TENM3: variants seen among roughly 807,000 people sequenced by gnomAD.
The protein encoded by TENM3 is teneurin transmembrane protein 3.
Under a neutral mutation model 255.1 loss-of-function variants are expected in TENM3, and 63 were observed. The ratio of observed to expected loss-of-function variants is 0.25; its 90% CI spans 0.20 to 0.30. TENM3 has a LOEUF of 0.30. TENM3 is among the 10% of genes least tolerant of loss of function. The pLI, the probability that TENM3 is intolerant of heterozygous loss-of-function variation, is 1.00. For missense variants in TENM3, 2,929 were observed against 3,461.1 expected (o/e 0.85, Z 3.86); for synonymous variants, 1,306 against 1,322.3 (o/e 0.99, Z 0.27).
At chr4:181,916,471 T>C in the TENM3 span, among the ~76,000 whole-genome samples, 1 of 152,144 alleles carries the variant, frequency 6.6e-6, no homozygotes, top group Non-Finnish European at 1.5e-5. Flanking sequence ...GATGACTTAT[T>C]TGATGTAAGG....
chr4:181,462,466 G>T, the TENM3 span, among the ~76,000 whole-genome samples: 10 of 152,078 alleles, frequency 6.6e-5, no homozygotes, highest in Admixed American at 5.9e-4. Flanking sequence ...GCAGTAGCTT[G>T]GGACAATCTT....
At chr4:182,526,463 C>T (rs1288816899) in intron 3 of TENM3, among the ~76,000 whole-genome samples, 1 of 152,126 alleles carries the variant, frequency 6.6e-6, no homozygotes, top group Non-Finnish European at 1.5e-5. Flanking sequence ...ACACGACTCT[C>T]TCTTCTTCCT....
intron 3 of TENM3, among the ~76,000 whole-genome samples, chr4:182,541,318 G>A (rs1386635800): frequency 1.3e-5 from 2 of 152,178 alleles, no homozygotes; most frequent in East Asian, 1.9e-4. Flanking sequence ...GTGTGTGTGT[G>A]TATAGAAACG....
chr4:182,786,608 G>T (rs931649030), intron 24 of TENM3, among the ~76,000 whole-genome samples: 2 of 151,180 alleles, frequency 1.3e-5, no homozygotes, highest in Non-Finnish European at 2.9e-5. Context: ...GGGGTTCCAT[G>T]CCTGTCTCCC....
At chr4:181,673,576 C>T in the TENM3 span, among the ~76,000 whole-genome samples, 6 of 152,040 alleles carry the variant, frequency 3.9e-5, no homozygotes, top group Admixed American at 2.6e-4. Flanking sequence ...GAAGTCAGTT[C>T]CTACAGAGAT....
chr4:182,649,211 A>G (rs887086135), intron 5 of TENM3, among the ~76,000 whole-genome samples: 3 of 150,460 alleles, frequency 2.0e-5, no homozygotes, highest in African/African-American at 7.3e-5. Flanking sequence ...AAATACTCCC[A>G]TTTATAGTTG....
At chr4:182,079,376 C>T in the TENM3 span, among the ~76,000 whole-genome samples, 1 of 152,002 alleles carries the variant, frequency 6.6e-6, no homozygotes, top group Non-Finnish European at 1.5e-5. Flanking sequence ...ATTAGCCGGG[C>T]GCAGTGGCGG....
At chr4:181,487,000 A>G in the TENM3 span, among the ~76,000 whole-genome samples, 1 of 152,232 alleles carries the variant, frequency 6.6e-6, no homozygotes, top group African/African-American at 2.4e-5. Context: ...GTAGCCAAAA[A>G]TACATAAATA....
the TENM3 span, among the ~76,000 whole-genome samples, chr4:182,012,163 C>T: frequency 6.6e-6 from 1 of 152,182 alleles, no homozygotes; most frequent in East Asian, 1.9e-4. Flanking sequence ...GGCCCTTAAA[C>T]TCTGTGAGCA....
the TENM3 span, among the ~76,000 whole-genome samples, chr4:181,489,829 A>G: frequency 6.6e-6 from 1 of 152,236 alleles, no homozygotes; most frequent in Non-Finnish European, 1.5e-5. Flanking sequence ...TTTAGTAATT[A>G]TGGTTCATTT....
intron 1 of TENM3, among the ~76,000 whole-genome samples, chr4:182,214,056 C>G (rs1157849616): frequency 6.6e-6 from 1 of 152,282 alleles, no homozygotes; most frequent in African/African-American, 2.4e-5. Context: ...CCCGCTGCGG[C>G]CTCCCCAAGT....
At chr4:182,719,690 G>T (rs1053226260) in intron 13 of TENM3, among the ~76,000 whole-genome samples, 1 of 152,006 alleles carries the variant, frequency 6.6e-6, no homozygotes, top group African/African-American at 2.4e-5. Context: ...GTCAACTGAG[G>T]TTATTCAGAA....
At chr4:181,540,167 T>C in the TENM3 span, among the ~76,000 whole-genome samples, 1 of 152,062 alleles carries the variant, frequency 6.6e-6, no homozygotes, top group African/African-American at 2.4e-5. Flanking sequence ...CAAGGGCCTA[T>C]TACAGGAGCC....
chr4:182,663,227 G>T (rs1217661072), intron 6 of TENM3, among the ~76,000 whole-genome samples: 1 of 152,160 alleles, frequency 6.6e-6, no homozygotes, highest in Non-Finnish European at 1.5e-5. Flanking sequence ...GGAAAAGCTA[G>T]AATAGATCAG....
chr4:181,987,746 T>C, the TENM3 span, among the ~76,000 whole-genome samples: 2 of 152,062 alleles, frequency 1.3e-5, no homozygotes, highest in African/African-American at 4.8e-5. Context: ...AACAAAAAAA[T>C]AGACTCAGTG....
At chr4:181,617,710 A>G in the TENM3 span, among the ~76,000 whole-genome samples, 4 of 152,188 alleles carry the variant, frequency 2.6e-5, no homozygotes, top group Admixed American at 1.3e-4. Context: ...GAAATATGGA[A>G]CACCTAATTA....
At chr4:181,907,120 A>G in the TENM3 span, among the ~76,000 whole-genome samples, 1 of 152,166 alleles carries the variant, frequency 6.6e-6, no homozygotes, top group Non-Finnish European at 1.5e-5. Context: ...TCCTGACCTC[A>G]GGTTATTCGC....
intron 22 of TENM3, among the ~76,000 whole-genome samples, chr4:182,759,671 A>G (rs1043497959): frequency 6.6e-6 from 1 of 152,242 alleles, no homozygotes; most frequent in Non-Finnish European, 1.5e-5. Context: ...CCATGCAAAT[A>G]CAGTTAAAGG....
the TENM3 span, among the ~76,000 whole-genome samples, chr4:181,459,719 A>G: frequency 6.6e-6 from 1 of 151,884 alleles, no homozygotes; most frequent in Non-Finnish European, 1.5e-5. Context: ...ACATCACCAT[A>G]GTTTTATAGT....
Sources: gnomAD v4.1 joint callset for allele counts (sites outside exome capture counted in the v4.1 genomes callset) on GRCh38, gnomAD v4.1.1 for gene constraint, MANE v1.5 for transcripts, NCBI Gene and HGNC (gene_info 2026-07-23, HGNC 2026-07-21) for gene names.